Variants in NEO1 observed in about 807,000 individuals in gnomAD.
NEO1 encodes neogenin 1.
A neutral mutation model predicts 159.7 loss-of-function variants in NEO1; 63 were observed. The observed-to-expected ratio is 0.39, with a 90% CI of 0.32 to 0.49. The LOEUF is 0.49. Ranked by LOEUF, NEO1 falls within the 20% of genes least tolerant of loss-of-function variation. The pLI, the probability that NEO1 is intolerant of heterozygous loss-of-function variation, is 0.85. For missense variants in NEO1, 1,615 were observed against 1,831.0 expected, an observed-to-expected ratio of 0.88 and a Z score of 2.15; for synonymous variants, 633 against 662.0, an observed-to-expected ratio of 0.96 and a Z score of 0.67.
At chr15:73,091,906 A>G (rs987917114) in intron 1 of NEO1, among the ~76,000 whole-genome samples, 14 of 151,988 alleles carry the variant, frequency 9.2e-5, no homozygotes, top group Non-Finnish European at 1.6e-4. Context: ...GGGTTAAGGC[A>G]TAAGCCACCG....
intron 26 of NEO1, among the ~76,000 whole-genome samples, chr15:73,294,169 C>A (rs1272629592): frequency 6.6e-6 from 1 of 152,142 alleles, no homozygotes; most frequent in African/African-American, 2.4e-5. Context: ...AAATACGTTG[C>A]TAGACAAACA....
At chr15:73,211,840 AC>A (rs1253621900) in intron 7 of NEO1, among the ~76,000 whole-genome samples, 1 of 152,228 alleles carries the variant, frequency 6.6e-6, no homozygotes, top group Non-Finnish European at 1.5e-5. Flanking sequence ...GTCTCACATT[AC>A]ATTTAGTCTC....
intron 7 of NEO1, among the ~76,000 whole-genome samples, chr15:73,187,746 T>C (rs140126692): frequency 2.6e-5 from 4 of 152,304 alleles, no homozygotes; most frequent in South Asian, 4.1e-4. Flanking sequence ...CGAATCTCAA[T>C]CTAGTCCATC....
At chr15:73,143,485 C>T (rs2032603935) in intron 5 of NEO1, 1 of 153,678 alleles carries the variant, frequency 6.5e-6, no homozygotes, top group African/African-American at 2.4e-5. Flanking sequence ...AGGTATCCAA[C>T]TCCTGGGGAG....
chr15:73,188,658 A>G (rs896761818), intron 7 of NEO1, among the ~76,000 whole-genome samples: 1 of 152,230 alleles, frequency 6.6e-6, no homozygotes, highest in African/African-American at 2.4e-5. Context: ...TAAAAGAACA[A>G]TTAATGGTTC....
chr15:73,265,512 G>A (rs987202126), intron 15 of NEO1, among the ~76,000 whole-genome samples: 6 of 152,208 alleles, frequency 3.9e-5, no homozygotes, highest in African/African-American at 1.4e-4. Flanking sequence ...GGGTGAGAGC[G>A]AAGAGTGGGA....
chr15:73,244,448 A>G lies in NEO1; in HGVS notation c.1556A>G (p.His519Arg), dbSNP rs756819431. ...YIFRVMAQNKHGSGESSAPLR... is the reference protein window; with the variant it reads ...YIFRVMAQNKRGSGESSAPLR... ...TTTAGAGTTATGGCTCAAAATAAGC[A>G]TGGCTCAGGAGAGAGTTCAGCTCCA... The change falls in exon 9 of 29, where the codon CAT becomes CGT. Residue 519 changes from histidine (H) to arginine (R), a missense_variant. His to Arg is a conservative substitution (Grantham distance 29). Around this residue, in one of 3 missense-constraint regions of NEO1, gnomAD observed 1,018 missense variants for 1,115.4 expected, o/e 0.91. Transcript: ENST00000261908. 20 of 1,613,860 alleles carry G rather than the reference A, an allele frequency of 1.2e-5. No individual in the cohort carries two copies. The Admixed American group carries it at 2.2e-4, about 17-fold the overall frequency.
chr15:73,261,049 T>TGG (rs1456894991), intron 15 of NEO1, among the ~76,000 whole-genome samples: 1 of 152,120 alleles, frequency 6.6e-6, no homozygotes, highest in Non-Finnish European at 1.5e-5. Context: ...GAACTTTCTT[T>TGG]CACCCCTATG....
At chr15:73,261,597 A>G (rs568925991) in intron 15 of NEO1, among the ~76,000 whole-genome samples, 1 of 152,312 alleles carries the variant, frequency 6.6e-6, no homozygotes, top group African/African-American at 2.4e-5. Flanking sequence ...TATGAAGTAC[A>G]TAGGAGCAGA....
intron 7 of NEO1, among the ~76,000 whole-genome samples, chr15:73,201,954 C>CTTTTTTT (rs1206304409): frequency 2.3e-4 from 19 of 83,458 alleles, no homozygotes; most frequent in African/African-American, 5.4e-4. Flanking sequence ...CTATATCATT[C>CTTTTTTT]TTTTTTTTTT....
At chr15:73,252,628 C>G (rs2040135624) in intron 11 of NEO1, among the ~76,000 whole-genome samples, 1 of 152,106 alleles carries the variant, frequency 6.6e-6, no homozygotes, top group African/African-American at 2.4e-5. Context: ...ATGTCATTAC[C>G]CAGTTCAGTC....
chr15:73,186,816 A>G (rs1248875143), intron 7 of NEO1, among the ~76,000 whole-genome samples: 2 of 152,208 alleles, frequency 1.3e-5, no homozygotes, highest in Non-Finnish European at 1.5e-5. Context: ...AGGGCTAGAT[A>G]GTAAATATTT....
At chr15:73,271,960 G>C (rs1408632134) in intron 18 of NEO1, among the ~76,000 whole-genome samples, 2 of 150,140 alleles carry the variant, frequency 1.3e-5, no homozygotes, top group Admixed American at 6.6e-5. Context: ...AACTATAAAT[G>C]AGAGAGAAAA....
In NEO1 at chr15:73,252,711, C is replaced by T. The variant is rs557079525; in HGVS notation, c.1895-689C>T. ...TGCCAAGATAAAGATAGACCAGGGCCAGGCACGGTGGCTCATGCCTGTAAT... is the reference window on the plus strand; with the variant it reads ...TGCCAAGATAAAGATAGACCAGGGCTAGGCACGGTGGCTCATGCCTGTAAT... On this transcript the variant is annotated intron_variant, in intron 11 of 28. Coordinates refer to ENST00000261908, the MANE Select transcript of NEO1 (RefSeq NM_002499.4). 2.6e-5 allele frequency among the ~76,000 whole-genome samples: 4 copies of T among 152,210 alleles called. No individual in the cohort carries two copies. In the South Asian group the frequency reaches 8.3e-4, roughly 32 times the overall value.
intron 7 of NEO1, among the ~76,000 whole-genome samples, chr15:73,214,943 C>T (rs2037791371): frequency 6.6e-6 from 1 of 152,082 alleles, no homozygotes; most frequent in African/African-American, 2.4e-5. Flanking sequence ...TTTGTGTTGT[C>T]TGTGATTTCT....
chr15:73,082,854 A>T (rs930523571), intron 1 of NEO1, among the ~76,000 whole-genome samples: 2 of 152,158 alleles, frequency 1.3e-5, no homozygotes, highest in African/African-American at 2.4e-5. Flanking sequence ...CATAATAGGG[A>T]GAGTTCACCC....
At chr15:73,088,486 C>T in intron 1 of NEO1, among the ~76,000 whole-genome samples, 1 of 151,972 alleles carries the variant, frequency 6.6e-6, no homozygotes, top group South Asian at 2.1e-4. Flanking sequence ...CATGTAGTTT[C>T]AAACACTTTT....
chr15:73,120,107 G>A (rs1169590174), intron 2 of NEO1, among the ~76,000 whole-genome samples: 1 of 151,974 alleles, frequency 6.6e-6, no homozygotes, highest in Non-Finnish European at 1.5e-5. Flanking sequence ...CTGCACTCCA[G>A]CATGGGTGAC....
intron 23 of NEO1, among the ~76,000 whole-genome samples, chr15:73,284,500 G>A (rs190597569): frequency 6.0e-5 from 9 of 150,978 alleles, no homozygotes; most frequent in Admixed American, 1.3e-4. Context: ...GCTTTCCATA[G>A]CTTGTACTGT....
Sources: allele counts gnomAD v4.1 joint callset (sites outside exome capture counted in the v4.1 genomes callset), GRCh38; gene constraint gnomAD v4.1.1; regional missense constraint gnomAD v4.1.1; transcripts MANE v1.5; gene names NCBI Gene and HGNC (gene_info 2026-07-23, HGNC 2026-07-21).